Variants in CDCP1 observed in about 807,000 individuals in gnomAD.
CDCP1 encodes the protein CUB domain-containing protein 1.
In CDCP1, 29 loss-of-function variants were observed where a neutral mutation model predicts 60.2. The observed-to-expected ratio is 0.48, with a 90% CI of 0.36 to 0.66. The LOEUF is 0.66. CDCP1 is among the 30% of genes least tolerant of loss of function. CDCP1 has a pLI of 0.00. For synonymous variants in CDCP1, 387 were observed against 431.1 expected, an observed-to-expected ratio of 0.90 and a Z score of 1.27; for missense variants, 876 against 1,074.3, an observed-to-expected ratio of 0.82 and a Z score of 2.58.
At chr3:45,097,587 G>A (rs966472573) in intron 4 of CDCP1, among the ~76,000 whole-genome samples, 1 of 151,026 alleles carries the variant, frequency 6.6e-6, no homozygotes, top group Non-Finnish European at 1.5e-5. Flanking sequence ...CAAGGGTGTT[G>A]ACAATATCAC....
chr3:45,122,198 C>A (rs949630604), intron 1 of CDCP1, among the ~76,000 whole-genome samples: 1 of 147,314 alleles, frequency 6.8e-6, no homozygotes, highest in Non-Finnish European at 1.5e-5. Context: ...GGCTGGAGTG[C>A]GGTGGCGCAA....
At chr3:45,095,305 C>A in intron 5 of CDCP1, 42 bp downstream of exon 5, 1 of 1,569,148 alleles carries the variant, frequency 6.4e-7, no homozygotes, top group Non-Finnish European at 8.8e-7. Context: ...GAGAGAAGAG[C>A]TATCCATGGC....
At position 45,139,882 on chromosome 3, in the gene CDCP1, C is replaced by T. The variant is rs1699254993; in HGVS notation, c.82+6324G>A. Among the ~76,000 whole-genome samples the T allele has an allele frequency of 2.0e-5, 3 of 152,160 alleles. No individual in the cohort carries two copies. In the South Asian group the frequency reaches 6.2e-4, roughly 32 times the overall value. ...CTGTCTACCTGTGTCCAAGAGATGCCGTGAGTCCTTCAAACTCAGGGGCTT... is the reference window on the plus strand; with the variant it reads ...CTGTCTACCTGTGTCCAAGAGATGCTGTGAGTCCTTCAAACTCAGGGGCTT... On this transcript the variant is annotated intron_variant, in intron 1 of 8. Coordinates refer to ENST00000296129, the MANE Select transcript of CDCP1 (RefSeq NM_022842.5).
Position 45,118,699 on chromosome 3 carries a change from T to C in CDCP1, c.83-78A>G. 3.5e-6 allele frequency: 4 copies of C among 1,152,112 alleles called. No individual in the cohort carries two copies. The South Asian group carries it at 3.9e-5, about 11-fold the overall frequency. The allele number at this position is 1,152,112 out of a possible 1,614,324, so 71.4% of individuals were successfully genotyped here. ...GCTGTGGTCCCCGACCCCAATCTGG[T>C]TCAGAGAGGATGTCCTCTATGACAA... On this transcript the variant is annotated intron_variant, in intron 1 of 8. Transcript: ENST00000296129.
intron 3 of CDCP1, among the ~76,000 whole-genome samples, chr3:45,111,106 T>C (rs1383989078): frequency 1.3e-5 from 2 of 152,158 alleles, no homozygotes; most frequent in Non-Finnish European, 2.9e-5. Flanking sequence ...ATAGTGGATG[T>C]AAATAATCCC....
intron 2 of CDCP1, among the ~76,000 whole-genome samples, chr3:45,115,772 C>T (rs539121206): frequency 5.9e-5 from 9 of 152,154 alleles, no homozygotes; most frequent in African/African-American, 1.4e-4. Flanking sequence ...GGCACAATCT[C>T]GGCTCACTGC....
chr3:45,140,917 C>T (rs565013914), intron 1 of CDCP1, among the ~76,000 whole-genome samples: 24 of 152,324 alleles, frequency 1.6e-4, no homozygotes, highest in Non-Finnish European at 3.4e-4. Context: ...ATGTCAGGAT[C>T]TGGCTGGGCG....
At chr3:45,140,230 C>T (rs1167163788) in intron 1 of CDCP1, among the ~76,000 whole-genome samples, 9 of 152,192 alleles carry the variant, frequency 5.9e-5, no homozygotes, top group Non-Finnish European at 4.4e-5. Context: ...GACTTCAACT[C>T]TATATAATCT....
In CDCP1 at chr3:45,082,305, T is replaced by C. The variant is rs535671768; in HGVS notation, c.*3333A>G. On this transcript the variant is annotated 3_prime_UTR_variant, in exon 9 of 9. Coordinates refer to ENST00000296129, the MANE Select transcript of CDCP1 (RefSeq NM_022842.5). ...CGAGACTCCAAGACTATTATTTTTA[T>C]TTCCGGACAAAAACATCTGCTTCAC... is the stretch of plus-strand genomic sequence containing the variant. 3.9e-5 allele frequency: 6 copies of C among 152,202 alleles called. No homozygotes were observed. Among genetic ancestry groups the C allele is most frequent in the Non-Finnish European group, 7.3e-5 (5 of 68,034 alleles). 9.4% of individuals were successfully genotyped at this position (152,202 alleles called of 1,614,324 possible).
At chr3:45,105,374 T>C (rs1328081299) in intron 4 of CDCP1, among the ~76,000 whole-genome samples, 2 of 152,120 alleles carry the variant, frequency 1.3e-5, no homozygotes, top group African/African-American at 4.8e-5. Flanking sequence ...ACAAATCCAA[T>C]AATTATTTAA....
intron 4 of CDCP1, among the ~76,000 whole-genome samples, chr3:45,107,861 A>T (rs961749005): frequency 6.6e-6 from 1 of 152,172 alleles, no homozygotes; most frequent in Non-Finnish European, 1.5e-5. Context: ...TCACACCTGT[A>T]ATCCCAGCAC....
At chr3:45,145,582 C>A (rs375451805) in intron 1 of CDCP1, among the ~76,000 whole-genome samples, 10 of 152,230 alleles carry the variant, frequency 6.6e-5, no homozygotes, top group Non-Finnish European at 7.4e-5. Context: ...AGATGCCTGG[C>A]GGCTTTCTCT....
chr3:45,115,349 C>A (rs1268348863), intron 2 of CDCP1, among the ~76,000 whole-genome samples: 1 of 152,178 alleles, frequency 6.6e-6, no homozygotes, highest in Non-Finnish European at 1.5e-5. Flanking sequence ...TGGAGTTTAT[C>A]CCTCCAGACT....
intron 6 of CDCP1, among the ~76,000 whole-genome samples, chr3:45,092,808 C>G (rs6783273): frequency 6.6e-6 from 1 of 152,166 alleles, no homozygotes. Context: ...TCTGCCCAGC[C>G]GTGCTGCTGG....
Position 45,095,558 on chromosome 3 carries a change from G to A in CDCP1, c.1035C>T (p.Tyr345=), listed in dbSNP as rs1481839193. Residue 345 remains tyrosine, a synonymous_variant, in exon 5 of 9, where the codon TAC becomes TAT. Coordinates refer to ENST00000296129, the MANE Select transcript of CDCP1 (RefSeq NM_022842.5). ...QHPQNESNKI[Y]VVDLSNERAM... ...CTCGCTCATTACTCAAGTCAACCACGTAGATTTTATCTGAAACCACAAACA... is the reference window on the plus strand; with the variant it reads ...CTCGCTCATTACTCAAGTCAACCACATAGATTTTATCTGAAACCACAAACA... 6 of 1,613,924 alleles carry A rather than the reference G, an allele frequency of 3.7e-6. No individual in the cohort carries two copies. Among genetic ancestry groups the A allele is most frequent in the Admixed American group, 1.7e-5 (1 of 60,008 alleles).
chr3:45,094,942 G>GTTT (rs529897093), intron 5 of CDCP1, among the ~76,000 whole-genome samples: 1 of 138,454 alleles, frequency 7.2e-6, no homozygotes, highest in East Asian at 2.1e-4. Context: ...TGTGGGTGGG[G>GTTT]TTTTTTTTTT....
At position 45,146,363 on chromosome 3, in the gene CDCP1, A is replaced by C; in HGVS notation, c.-76T>G. On this transcript the variant is annotated 5_prime_UTR_variant, in exon 1 of 9. Coordinates refer to ENST00000296129, the MANE Select transcript of CDCP1 (RefSeq NM_022842.5). ...GGCCCCAGGCGCCCAAGCCCGGCGC[A>C]GCTGCGCTCCGCCCTGGCTCACTCA... The C allele has an allele frequency of 7.6e-7, 1 of 1,321,266 alleles. No individual in the cohort carries two copies. The allele number at this position is 1,321,266 out of a possible 1,614,324, so 81.8% of individuals were successfully genotyped here. A position where few individuals can be genotyped will look rare whatever the true frequency, so the allele number is the denominator to read the frequency against.
chr3:45,141,543 A>T (rs1699290675), intron 1 of CDCP1, among the ~76,000 whole-genome samples: 1 of 152,216 alleles, frequency 6.6e-6, no homozygotes, highest in Non-Finnish European at 1.5e-5. Context: ...TGGATTACTG[A>T]TGTTAATCAG....
intron 1 of CDCP1, among the ~76,000 whole-genome samples, chr3:45,137,014 AG>A (rs1390012246): frequency 6.6e-6 from 1 of 152,214 alleles, no homozygotes; most frequent in Non-Finnish European, 1.5e-5. Context: ...ATATCTCAGT[AG>A]AGCTGAAAAA....
Sources: gnomAD v4.1 joint callset for allele counts (sites outside exome capture counted in the v4.1 genomes callset) on GRCh38, gnomAD v4.1.1 for gene constraint, MANE v1.5 for transcripts, NCBI Gene and HGNC (gene_info 2026-07-23, HGNC 2026-07-21) for gene names.